SYT17: variants seen among roughly 807,000 people sequenced by gnomAD.
SYT17 encodes synaptotagmin-17.
A neutral mutation model predicts 46.7 loss-of-function variants in SYT17; 22 were observed. That is an observed-to-expected ratio of 0.47 (90% CI 0.34 to 0.67). SYT17 has a LOEUF of 0.67. Ranked by LOEUF, SYT17 falls within the 30% of genes least tolerant of loss-of-function variation. The pLI is 0.01. For synonymous variants in SYT17, 251 were observed against 248.4 expected (o/e 1.01, Z -0.10); for missense variants, 519 against 612.8 (o/e 0.85, Z 1.62).
Position 19,168,717 on chromosome 16 carries a change from C to T in SYT17, c.15+56C>T. 2.1e-6 allele frequency: 3 copies of T among 1,427,652 alleles called. No homozygotes were observed. The highest frequency in any genetic ancestry group is 1.5e-5 in the South Asian group (1 of 68,026). 88.4% of individuals were successfully genotyped at this position (1,427,652 alleles called of 1,614,324 possible). ...GTGCGGGTAGGGGGTGCCGCGCCCC[C>T]TCCGGCTGGGAGCGCGCGGAAGGGA... On this transcript the variant is annotated intron_variant, in intron 1 of 7. Transcript: ENST00000355377. This position sits in a 1 kb window ranked among gnomAD's most constrained non-coding sequence, Gnocchi z 6.9.
At chr16:19,229,975 A>G (rs535728107) in intron 7 of SYT17, among the ~76,000 whole-genome samples, 1 of 152,388 alleles carries the variant, frequency 6.6e-6, no homozygotes, top group East Asian at 1.9e-4. Flanking sequence ...CAAATGCCGT[A>G]TCATTTCATT....
At position 19,192,961 on chromosome 16, in the gene SYT17, G is replaced by A. The variant is rs138270159; in HGVS notation, c.951+8814G>A. On this transcript the variant is annotated intron_variant, in intron 5 of 7. Coordinates refer to ENST00000355377, the MANE Select transcript of SYT17 (RefSeq NM_016524.4). ...CATGAATCTGCACTTGAGCCAATGG[G>A]CTGGGAGATTCTAATGTAGGTAAAC... 2.7e-3 allele frequency among the ~76,000 whole-genome samples: 405 copies of A among 152,326 alleles called. 1 individual carries two copies. The highest frequency in any genetic ancestry group is 8.0e-3 in the African/African-American group (331 of 41,564).
At chr16:19,192,676 C>CTGGA (rs2142674652) in intron 5 of SYT17, among the ~76,000 whole-genome samples, 1 of 152,306 alleles carries the variant, frequency 6.6e-6, no homozygotes, top group East Asian at 1.9e-4. Flanking sequence ...TGGTGATGAT[C>CTGGA]TGGACCCTGT....
In SYT17 at chr16:19,189,955, G is replaced by T. The variant is rs16971677; in HGVS notation, c.951+5808G>T. Among the ~76,000 whole-genome samples, 1,147 of 152,276 alleles carry T rather than the reference G, an allele frequency of 7.5e-3. 14 individuals carry two copies. Among genetic ancestry groups the T allele is most frequent in the African/African-American group, 0.027 (1,106 of 41,518 alleles). Reference sequence around the variant, plus strand: ...CAACATCCTACCTGACTGCATCTTTGATCTTGGCATTCAGGAAACTGGCAG... The same window carrying T: ...CAACATCCTACCTGACTGCATCTTTTATCTTGGCATTCAGGAAACTGGCAG... On this transcript the variant is annotated intron_variant, in intron 5 of 7. Coordinates refer to ENST00000355377, the MANE Select transcript of SYT17 (RefSeq NM_016524.4).
At chr16:19,199,472 G>T (rs1476097020) in intron 5 of SYT17, among the ~76,000 whole-genome samples, 1 of 152,174 alleles carries the variant, frequency 6.6e-6, no homozygotes, top group Non-Finnish European at 1.5e-5. Context: ...TGGGCACAGT[G>T]GCTCACACCT....
In SYT17 at chr16:19,172,785, C is replaced by T. The variant is rs1385145837; in HGVS notation, c.33+8C>T. ...TTGGAACCATTAAACGAGGTGGGTT[C>T]ATTTGATGATTTGTTTGGTCTGGTT... On this transcript the variant is annotated splice_region_variant and intron_variant, in intron 2 of 7. Transcript: ENST00000355377. The T allele has an allele frequency of 6.2e-7, 1 of 1,614,038 alleles. No homozygotes were observed. Among genetic ancestry groups the T allele is most frequent in the Non-Finnish European group, 8.5e-7 (1 of 1,180,010 alleles).
Position 19,188,513 on chromosome 16 carries a change from C to CAAAAAAAAAAAAAAA in SYT17, c.951+4377_951+4391dup, listed in dbSNP as rs61202540. Among the ~76,000 whole-genome samples, 398 of 64,314 alleles carry CAAAAAAAAAAAAAAA rather than the reference C, an allele frequency of 6.2e-3. 1 individual carries two copies. The highest frequency in any genetic ancestry group is 9.0e-3 in the East Asian group (18 of 2,002). The allele number at this position is 64,314 out of a possible 152,430, so 42.2% of individuals were successfully genotyped here. On this transcript the variant is annotated intron_variant, in intron 5 of 7. Transcript: ENST00000355377. ...AAAAGTTAAAAAAAATTCAGTTCTG[C>CAAAAAAAAAAAAAAA]AAAAAAAAAAAAAAAAAAAAAAAAA...
intron 7 of SYT17, among the ~76,000 whole-genome samples, chr16:19,231,015 T>C (rs1464205105): frequency 6.6e-6 from 1 of 152,222 alleles, no homozygotes; most frequent in Non-Finnish European, 1.5e-5. Flanking sequence ...TAATATAGTT[T>C]ATCTACGTTG....
chr16:19,208,846 A>C (rs952610125), intron 5 of SYT17, among the ~76,000 whole-genome samples: 1 of 139,708 alleles, frequency 7.2e-6, no homozygotes. Context: ...CTACTCCAGT[A>C]TAACCTTATC....
At chr16:19,244,502 T>A (rs905663497) in intron 7 of SYT17, among the ~76,000 whole-genome samples, 4 of 151,646 alleles carry the variant, frequency 2.6e-5, no homozygotes, top group Non-Finnish European at 4.4e-5. Context: ...CCTGCCATTT[T>A]AAAAAATTTT....
At chr16:19,210,279 G>A (rs1965846029) in intron 5 of SYT17, among the ~76,000 whole-genome samples, 1 of 151,942 alleles carries the variant, frequency 6.6e-6, no homozygotes, top group Non-Finnish European at 1.5e-5. Flanking sequence ...GCTTGAGGCA[G>A]GAGTCCTGAA....
chr16:19,178,349 T>C (rs1025135476), intron 3 of SYT17, among the ~76,000 whole-genome samples: 2 of 151,884 alleles, frequency 1.3e-5, no homozygotes, highest in African/African-American at 4.8e-5. Context: ...CCTCCCAAAA[T>C]GCTGGGATTA....
At chr16:19,256,110 T>G (rs1163075143) in intron 7 of SYT17, among the ~76,000 whole-genome samples, 1 of 152,176 alleles carries the variant, frequency 6.6e-6, no homozygotes, top group Admixed American at 6.5e-5. Context: ...CTCATAGATT[T>G]GTTGTGCGGA....
chr16:19,174,480 C>G (rs947240471), intron 3 of SYT17, among the ~76,000 whole-genome samples: 3 of 152,232 alleles, frequency 2.0e-5, no homozygotes, highest in African/African-American at 7.2e-5. Flanking sequence ...AGCGCTGTTT[C>G]AGCTCAGTCC....
intron 7 of SYT17, among the ~76,000 whole-genome samples, chr16:19,250,835 A>G (rs1238934409): frequency 6.6e-6 from 1 of 152,076 alleles, no homozygotes. Flanking sequence ...CAGATTAAGA[A>G]CCAGAAACAT....
intron 7 of SYT17, among the ~76,000 whole-genome samples, chr16:19,243,251 C>T (rs770590307): frequency 6.6e-5 from 10 of 152,184 alleles, no homozygotes; most frequent in Non-Finnish European, 1.2e-4. Flanking sequence ...CCACAGGAGG[C>T]TCTTTGGGGC....
chr16:19,247,942 A>G (rs2142992414), intron 7 of SYT17, among the ~76,000 whole-genome samples: 1 of 152,340 alleles, frequency 6.6e-6, no homozygotes, highest in East Asian at 1.9e-4. Context: ...AAGCCAAGCC[A>G]TGCCCTGAGA....
At chr16:19,220,954 G>A (rs1966294050) in intron 5 of SYT17, among the ~76,000 whole-genome samples, 1 of 151,928 alleles carries the variant, frequency 6.6e-6, no homozygotes, top group Admixed American at 6.6e-5. Context: ...CAGTTTGGGA[G>A]GCTAAGGCAG....
intron 3 of SYT17, among the ~76,000 whole-genome samples, chr16:19,179,297 T>A (rs558019625): frequency 1.6e-4 from 24 of 152,204 alleles, no homozygotes; most frequent in Non-Finnish European, 1.3e-4. Flanking sequence ...CCAGCTAATT[T>A]AAAAAATTTT....
Sources: allele counts gnomAD v4.1 joint callset (sites outside exome capture counted in the v4.1 genomes callset), GRCh38; gene constraint gnomAD v4.1.1; non-coding constraint Gnocchi (gnomAD v3.1); transcripts MANE v1.5; gene names NCBI Gene and HGNC (gene_info 2026-07-23, HGNC 2026-07-21).